The following CEP112 variants were observed in gnomAD, a reference collection of about 807,000 sequenced individuals.
The protein encoded by CEP112 is centrosomal protein of 112 kDa.
Under a neutral mutation model 153.0 loss-of-function variants are expected in CEP112, and 127 were observed. The ratio of observed to expected loss-of-function variants is 0.83; its 90% confidence interval spans 0.72 to 0.96. CEP112 has a LOEUF of 0.96. Ranked by LOEUF, CEP112 falls within the 40% of genes least tolerant of loss-of-function variation. The probability of loss-of-function intolerance (pLI) is 0.00; values close to 1 mark genes in which losing one functional copy is unlikely to be tolerated. For missense variants in CEP112, 1,089 were observed against 1,101.2 expected, an observed-to-expected ratio of 0.99 and a Z score of 0.16; for synonymous variants, 358 against 374.4, an observed-to-expected ratio of 0.96 and a Z score of 0.51.
At chr17:66,047,654 A>T (rs1386883542) in intron 12 of CEP112, among the ~76,000 whole-genome samples, 1 of 152,212 alleles carries the variant, frequency 6.6e-6, no homozygotes, top group Admixed American at 6.5e-5. Context: ...TAGTCAGTGT[A>T]TGATAAATTA....
chr17:65,726,649 T>C (rs1480032601), intron 23 of CEP112, among the ~76,000 whole-genome samples: 1 of 152,202 alleles, frequency 6.6e-6, no homozygotes, highest in African/African-American at 2.4e-5. Flanking sequence ...TTGATCATGA[T>C]GTTATAAGCA....
chr17:66,026,551 T>A (rs576446438), intron 16 of CEP112, among the ~76,000 whole-genome samples: 2 of 152,260 alleles, frequency 1.3e-5, no homozygotes, highest in Middle Eastern at 3.4e-3. Context: ...TTTAAACTAG[T>A]AGAAAGAAAA....
chr17:65,653,181 G>A (rs1442373789), intron 24 of CEP112, among the ~76,000 whole-genome samples: 1 of 152,218 alleles, frequency 6.6e-6, no homozygotes, highest in Non-Finnish European at 1.5e-5. Flanking sequence ...AACATTCATT[G>A]TATAGCAGTG....
intron 6 of CEP112, among the ~76,000 whole-genome samples, chr17:66,108,912 G>A (rs1189519760): frequency 3.3e-5 from 5 of 152,106 alleles, no homozygotes; most frequent in South Asian, 4.1e-4. Flanking sequence ...TTACTTACAC[G>A]TAATGCAGTA....
intron 21 of CEP112, among the ~76,000 whole-genome samples, chr17:65,810,485 A>C (rs1156742941): frequency 6.6e-6 from 1 of 152,128 alleles, no homozygotes; most frequent in Non-Finnish European, 1.5e-5. Context: ...GAATCTTTCT[A>C]TCAACCAACA....
chr17:66,181,388 C>A (rs1001519736), intron 2 of CEP112, among the ~76,000 whole-genome samples: 9 of 152,156 alleles, frequency 5.9e-5, no homozygotes, highest in African/African-American at 1.9e-4. Context: ...CTCTGTCGCC[C>A]AGGCTGGAGT....
At chr17:65,675,194 G>C (rs1274242161) in intron 24 of CEP112, among the ~76,000 whole-genome samples, 1 of 152,186 alleles carries the variant, frequency 6.6e-6, no homozygotes, top group African/African-American at 2.4e-5. Context: ...CCAGAAGGAA[G>C]ACAGAGAGAT....
chr17:65,756,647 G>A (rs950523985), intron 21 of CEP112, among the ~76,000 whole-genome samples: 6 of 152,102 alleles, frequency 3.9e-5, no homozygotes, highest in Non-Finnish European at 8.8e-5. Context: ...TCAGAGAGGA[G>A]AGGCATTGGA....
chr17:66,114,527 T>C (rs1242379899), intron 6 of CEP112, among the ~76,000 whole-genome samples: 6 of 152,296 alleles, frequency 3.9e-5, no homozygotes, highest in Non-Finnish European at 5.9e-5. Context: ...TTTTAAATCA[T>C]AGCATCAGTC....
At chr17:65,704,285 A>G (rs1325110478) in intron 23 of CEP112, among the ~76,000 whole-genome samples, 1 of 152,176 alleles carries the variant, frequency 6.6e-6, no homozygotes, top group Non-Finnish European at 1.5e-5. Flanking sequence ...GGCCTCTAGA[A>G]CTGTGAGATA....
intron 11 of CEP112, among the ~76,000 whole-genome samples, chr17:66,060,402 G>T (rs963445175): frequency 2.0e-5 from 3 of 151,990 alleles, no homozygotes. Context: ...TAGAAAAAGC[G>T]ATCCTAAAAT....
intron 12 of CEP112, among the ~76,000 whole-genome samples, chr17:66,048,829 G>A (rs2066322042): frequency 1.3e-5 from 2 of 152,036 alleles, no homozygotes; most frequent in Admixed American, 6.6e-5. Flanking sequence ...GGCTGATCTC[G>A]AACTCCTGGC....
chr17:66,148,079 G>A (rs1359241815), intron 4 of CEP112, among the ~76,000 whole-genome samples: 1 of 152,190 alleles, frequency 6.6e-6, no homozygotes, highest in Non-Finnish European at 1.5e-5. Flanking sequence ...AGAAAAATAG[G>A]TTTAATGGAC....
intron 19 of CEP112, among the ~76,000 whole-genome samples, chr17:65,906,260 C>A (rs1349956399): frequency 7.0e-6 from 1 of 141,896 alleles, no homozygotes; most frequent in Non-Finnish European, 1.5e-5. Flanking sequence ...CACACAGGGG[C>A]CTGTCGGGGG....
rs137929336 is a variant in CEP112, at chr17:65,723,106, T to C, written c.2607+19962A>G. Among the ~76,000 whole-genome samples the C allele has an allele frequency of 5.9e-5, 9 of 152,276 alleles. No individual in the cohort carries two copies. The East Asian group carries it at 1.7e-3, about 29-fold the overall frequency. ...TGCTTCAGATGTAGAACACAATCCA[T>C]CTTGTGATGTTAATGACACACTTGT... On this transcript the variant is annotated intron_variant, in intron 23 of 26. Coordinates refer to ENST00000535342, the MANE Select transcript of CEP112 (RefSeq NM_001199165.4).
chr17:65,992,960 G>T (rs901802167), intron 17 of CEP112, among the ~76,000 whole-genome samples: 1 of 151,892 alleles, frequency 6.6e-6, no homozygotes, highest in Non-Finnish European at 1.5e-5. Context: ...AAGTTCGAGG[G>T]TACATGTGCA....
chr17:66,164,884 A>ATG (rs1472993107), intron 4 of CEP112, among the ~76,000 whole-genome samples: 7 of 93,974 alleles, frequency 7.4e-5, no homozygotes, highest in Middle Eastern at 9.3e-3. Flanking sequence ...ATACACACAT[A>ATG]TATGTGTGTG....
intron 21 of CEP112, among the ~76,000 whole-genome samples, chr17:65,794,610 C>A (rs1344090673): frequency 6.6e-6 from 1 of 152,204 alleles, no homozygotes; most frequent in East Asian, 1.9e-4. Context: ...TAGAAAGCTC[C>A]AAATGGGTAT....
chr17:65,999,568 T>TG (rs2063935082), intron 17 of CEP112, among the ~76,000 whole-genome samples: 3 of 151,888 alleles, frequency 2.0e-5, no homozygotes, highest in Non-Finnish European at 4.4e-5. Context: ...AAAGCATTTT[T>TG]TTTTTTTACT....
Sources: allele counts gnomAD v4.1 joint callset (sites outside exome capture counted in the v4.1 genomes callset), GRCh38; gene constraint gnomAD v4.1.1; transcripts MANE v1.5; gene names NCBI Gene and HGNC (gene_info 2026-07-23, HGNC 2026-07-21).